The following FAM186A variants were observed in gnomAD, a reference collection of about 807,000 sequenced individuals.
FAM186A encodes the protein protein FAM186A.
In FAM186A, 163 loss-of-function variants were observed where a neutral mutation model predicts 216.8. That is an observed-to-expected ratio of 0.75 (90% CI 0.66 to 0.86). FAM186A has a LOEUF of 0.86. Among genes scored for constraint, FAM186A ranks in the 40% least tolerant of loss-of-function variants. The pLI is 0.00. For missense variants in FAM186A, 2,184 were observed against 2,746.2 expected (o/e 0.80, Z 4.58); for synonymous variants, 805 against 1,025.3 (o/e 0.79, Z 4.10).
In FAM186A at chr12:50,354,029, G is replaced by A. The variant is rs747197422; in HGVS notation, c.2803C>T (p.Gln935Ter). The A allele has an allele frequency of 1.5e-5, 24 of 1,551,496 alleles. No individual in the cohort carries two copies. The highest frequency in any genetic ancestry group is 2.0e-5 in the Non-Finnish European group (23 of 1,147,004). The change falls in exon 4 of 8, where the codon CAA becomes TAA. Residue 935 changes from glutamine to a stop codon, truncating the protein, a stop_gained. Transcript: ENST00000327337. LOFTEE classifies it high-confidence loss of function. ...TTCTCCTTTTCCAAGAGCAACCCTT[G>A]TGTTTTCATTTTTTGGGTCCCTTCT... ...LEEGTQKMKT[Q>*]GLLLEKENGQ...
intron 4 of FAM186A, among the ~76,000 whole-genome samples, chr12:50,339,399 C>A (rs1942740860): frequency 6.6e-6 from 1 of 152,138 alleles, no homozygotes; most frequent in Non-Finnish European, 1.5e-5. Context: ...TGATATATCA[C>A]CTTAGCATAG....
At position 50,379,082 on chromosome 12, in the gene FAM186A, A is replaced by G. The variant is rs180734141; in HGVS notation, c.193-15718T>C. On this transcript the variant is annotated intron_variant, in intron 1 of 7. Coordinates refer to ENST00000327337, the MANE Select transcript of FAM186A (RefSeq NM_001145475.3). ...CACTTTGAGAGGCCGAGGCAGGCAG[A>G]TCACCTGAGTTTAGGAGTTTGAGAC... 4.0e-3 allele frequency among the ~76,000 whole-genome samples: 606 copies of G among 152,258 alleles called. 3 individuals are homozygous for G. Among genetic ancestry groups the G allele is most frequent in the Non-Finnish European group, 6.9e-3 (468 of 68,020 alleles).
At chr12:50,341,314 T>C (rs1418134341) in intron 4 of FAM186A, among the ~76,000 whole-genome samples, 2 of 152,222 alleles carry the variant, frequency 1.3e-5, no homozygotes, top group African/African-American at 2.4e-5. Flanking sequence ...GCCATCCTTG[T>C]CATAAAATTT....
At chr12:50,387,787 G>T (rs1248338551) in intron 1 of FAM186A, among the ~76,000 whole-genome samples, 3 of 152,114 alleles carry the variant, frequency 2.0e-5, no homozygotes, top group African/African-American at 7.2e-5. Context: ...AGTTTCTGCT[G>T]GCATTCACCC....
intron 1 of FAM186A, among the ~76,000 whole-genome samples, chr12:50,385,173 A>G (rs569572780): frequency 1.3e-5 from 2 of 150,102 alleles, no homozygotes; most frequent in South Asian, 4.3e-4. Flanking sequence ...TAATCCCAGC[A>G]CTTTGGGAGG....
Position 50,396,347 on chromosome 12 carries a change from T to C in FAM186A, c.138A>G (p.Ser46=), listed in dbSNP as rs574805922. Residue 46 remains serine (S), a synonymous_variant, in exon 1 of 8, where the codon TCA becomes TCG. Transcript: ENST00000327337. The stretch of plus-strand genomic sequence containing the variant: ...CAATCCTAGAGATGATATCCTTTAC[T>C]GAGAATGGGATCTCAAGGTTAGGGA... ...LMLPNLEIPF[S]VKDIISRIER... is the part of the protein sequence containing the mutation. 3 of 1,551,544 alleles carry C rather than the reference T, an allele frequency of 1.9e-6. No homozygotes were observed. The highest frequency in any genetic ancestry group is 3.9e-5 in the Admixed American group (2 of 50,960).
chr12:50,336,963 T>G (rs929816382), intron 4 of FAM186A, among the ~76,000 whole-genome samples: 1 of 151,932 alleles, frequency 6.6e-6, no homozygotes, highest in Non-Finnish European at 1.5e-5. Flanking sequence ...CATCTCTATC[T>G]ATATTGAGAG....
At position 50,363,771 on chromosome 12, in the gene FAM186A, AAGAAAG is replaced by A. The variant is rs766338456; in HGVS notation, c.193-413_193-408del. Among the ~76,000 whole-genome samples, 454 of 65,410 alleles carry A rather than the reference AAGAAAG, an allele frequency of 6.9e-3. 3 individuals are homozygous for A. Among genetic ancestry groups the A allele is most frequent in the African/African-American group, 0.013 (328 of 26,064 alleles). The allele number at this position is 65,410 out of a possible 152,430, so 42.9% of individuals were successfully genotyped here. ...TAAGCTGTAGCTGCTAAAAAAAAAA[AAGAAAG>A]AAAGAAAGAAAAAGAAAACAGAAAA... On this transcript the variant is annotated intron_variant, in intron 1 of 7. Coordinates refer to ENST00000327337, the MANE Select transcript of FAM186A (RefSeq NM_001145475.3).
At chr12:50,374,037 A>T (rs1168729370) in intron 1 of FAM186A, among the ~76,000 whole-genome samples, 4 of 151,736 alleles carry the variant, frequency 2.6e-5, no homozygotes, top group Non-Finnish European at 4.4e-5. Flanking sequence ...CATTCTCAGT[A>T]AACTATCGCA....
intron 4 of FAM186A, among the ~76,000 whole-genome samples, chr12:50,336,606 C>T (rs544051626): frequency 2.6e-5 from 4 of 152,152 alleles, no homozygotes; most frequent in East Asian, 1.9e-4. Context: ...ATTGTGCTTA[C>T]GGACAGAACA....
chr12:50,386,476 A>G (rs1354084596), intron 1 of FAM186A, among the ~76,000 whole-genome samples: 1 of 152,178 alleles, frequency 6.6e-6, no homozygotes, highest in East Asian at 1.9e-4. Context: ...AAATGCATGC[A>G]TTAAGTAGTT....
chr12:50,336,124 C>CAA (rs55946153), intron 4 of FAM186A, among the ~76,000 whole-genome samples: 160 of 133,286 alleles, frequency 1.2e-3, no homozygotes, highest in Admixed American at 2.2e-3. Flanking sequence ...GACTCCATCT[C>CAA]AAAAAAAAAA....
chr12:50,334,830 G>T (rs1303259916), intron 4 of FAM186A, among the ~76,000 whole-genome samples: 1 of 152,054 alleles, frequency 6.6e-6, no homozygotes, highest in Admixed American at 6.6e-5. Context: ...AGAGAAGGAT[G>T]GGAAGCTTGC....
chr12:50,375,633 C>T (rs1184844249), intron 1 of FAM186A, among the ~76,000 whole-genome samples: 2 of 150,358 alleles, frequency 1.3e-5, no homozygotes, highest in Non-Finnish European at 3.0e-5. Flanking sequence ...AGGAGAATCG[C>T]CTGAACCTGG....
At position 50,351,812 on chromosome 12, in the gene FAM186A, G is replaced by A; in HGVS notation, c.5020C>T (p.Pro1674Ser). 6.5e-7 allele frequency: 1 copy of A among 1,547,304 alleles called. No homozygotes were observed. Among genetic ancestry groups the A allele is most frequent in the Non-Finnish European group, 8.7e-7 (1 of 1,144,722 alleles). The change falls in exon 4 of 8, where the codon CCT (proline) becomes TCT (serine). Residue 1674 changes from proline (P) to serine (S), a missense_variant. Pro to Ser is a moderately conservative substitution (Grantham distance 74). This residue lies in a region of FAM186A where 721 missense variants were observed against 816.4 expected (regional missense o/e 0.88). Transcript: ENST00000327337. ...TCTTGAGCCTGTTCTAAGTTCATAGGGGACTCCAAAGCGTGGGTTTGCTCA... is the reference window on the plus strand; with the variant it reads ...TCTTGAGCCTGTTCTAAGTTCATAGAGGACTCCAAAGCGTGGGTTTGCTCA... ...TSEQTHALES[P>S]MNLEQAQEQL... is the part of the protein sequence containing the mutation.
chr12:50,347,497 G>A (rs1294762990), intron 4 of FAM186A, among the ~76,000 whole-genome samples: 5 of 152,006 alleles, frequency 3.3e-5, no homozygotes, highest in African/African-American at 1.2e-4. Flanking sequence ...TTGGGAGGCT[G>A]AGGCAGGTGG....
intron 5 of FAM186A, among the ~76,000 whole-genome samples, chr12:50,333,599 G>A (rs1352359453): frequency 6.6e-6 from 1 of 152,082 alleles, no homozygotes; most frequent in Non-Finnish European, 1.5e-5. Flanking sequence ...GGAATTATGT[G>A]GCTACAAACT....
chr12:50,378,125 T>A (rs1943215942), intron 1 of FAM186A, among the ~76,000 whole-genome samples: 1 of 151,730 alleles, frequency 6.6e-6, no homozygotes, highest in African/African-American at 2.4e-5. Flanking sequence ...CTCTGGAGGC[T>A]GAGGTAAGAG....
rs1187603385 is a variant in FAM186A, at chr12:50,351,113, C to G, written c.5719G>C (p.Gly1907Arg). 6.4e-7 allele frequency: 1 copy of G among 1,551,470 alleles called. No individual in the cohort carries two copies. ...AGGGTCCATGTTGCCAGATGCTGCC[C>G]AGGGGTAGAAGGAGCCTGCAGATAG... ...SPYLQAPSTP[G>R]QHLATWTLPG... The change falls in exon 4 of 8, where the codon GGG (glycine) becomes CGG (arginine). Residue 1907 changes from glycine (G) to arginine (R), a missense_variant. Coordinates refer to ENST00000327337, the MANE Select transcript of FAM186A (RefSeq NM_001145475.3).
Sources: gnomAD v4.1 joint callset for allele counts (sites outside exome capture counted in the v4.1 genomes callset) on GRCh38, gnomAD v4.1.1 for gene constraint, gnomAD v4.1.1 regional missense constraint, MANE v1.5 for transcripts, NCBI Gene and HGNC (gene_info 2026-07-23, HGNC 2026-07-21) for gene names.